MYO3A: variants seen among roughly 807,000 people sequenced by gnomAD.
MYO3A encodes myosin-IIIa.
MYO3A carries 180 observed loss-of-function variants against 192.7 expected under a neutral mutation model. That is an observed-to-expected ratio of 0.93 (90% confidence interval 0.83 to 1.06). The LOEUF is 1.06. Among genes scored for constraint, MYO3A ranks in the 50% least tolerant of loss-of-function variants. The probability of loss-of-function intolerance (pLI) is 0.00; values close to 1 mark genes in which losing one functional copy is unlikely to be tolerated. For synonymous variants in MYO3A, 628 were observed against 645.3 expected (o/e 0.97, Z 0.41); for missense variants, 1,896 against 1,905.0 (o/e 1.00, Z 0.09).
chr10:26,005,950 G>A (rs2130962289), intron 6 of MYO3A, among the ~76,000 whole-genome samples: 1 of 152,110 alleles, frequency 6.6e-6, no homozygotes, highest in Non-Finnish European at 1.5e-5. Flanking sequence ...ATGTAAAGTT[G>A]AACCATGAAT....
At chr10:26,188,785 A>T (rs1345290805) in intron 31 of MYO3A, among the ~76,000 whole-genome samples, 3 of 152,198 alleles carry the variant, frequency 2.0e-5, no homozygotes, top group African/African-American at 7.2e-5. Context: ...TTTGTCAAAG[A>T]TCAGATAGTT....
rs1386981397 is a variant in MYO3A at position 26,120,663 on chromosome 10, T to TG, written c.1777-11dup. The TG allele has an allele frequency of 2.5e-6, 4 of 1,613,878 alleles. No individual in the cohort carries two copies. In the South Asian group the frequency reaches 4.4e-5, roughly 18 times the overall value. On this transcript the variant is annotated splice_polypyrimidine_tract_variant and intron_variant, in intron 17 of 34. Transcript: ENST00000642920. The stretch of plus-strand genomic sequence containing the variant: ...GGAAAGAATGATGCCAATGTTTCTG[T>TG]GGTGTGTTTCAGCAACTTGGTAGTA...
intron 27 of MYO3A, among the ~76,000 whole-genome samples, chr10:26,166,887 C>T (rs1554838285): frequency 6.6e-6 from 1 of 152,122 alleles, no homozygotes; most frequent in Non-Finnish European, 1.5e-5. Context: ...GAGATCTTAG[C>T]TTATTTAATC....
At chr10:25,966,421 G>A (rs758788172) in intron 4 of MYO3A, among the ~76,000 whole-genome samples, 29 of 152,166 alleles carry the variant, frequency 1.9e-4, no homozygotes, top group South Asian at 4.1e-4. Flanking sequence ...ACAATTTAAA[G>A]CTAAATTTAA....
intron 10 of MYO3A, among the ~76,000 whole-genome samples, chr10:26,037,928 A>G (rs1843128304): frequency 2.0e-5 from 3 of 152,146 alleles, no homozygotes; most frequent in Admixed American, 1.3e-4. Flanking sequence ...CCTCCCCCCA[A>G]CATTAGGAAT....
intron 32 of MYO3A, among the ~76,000 whole-genome samples, chr10:26,199,931 A>G (rs904486675): frequency 5.3e-5 from 8 of 152,288 alleles, no homozygotes; most frequent in Admixed American, 4.6e-4. Context: ...GTTAAAACAG[A>G]AACAACCACC....
intron 7 of MYO3A, among the ~76,000 whole-genome samples, chr10:26,017,974 G>A (rs1484739524): frequency 1.4e-5 from 2 of 147,326 alleles, no homozygotes; most frequent in Non-Finnish European, 3.0e-5. Context: ...CATTTTGTTT[G>A]CATATATTAA....
At chr10:25,936,980 C>T (rs978087628) in intron 2 of MYO3A, among the ~76,000 whole-genome samples, 1 of 141,008 alleles carries the variant, frequency 7.1e-6, no homozygotes, top group Non-Finnish European at 1.6e-5. Flanking sequence ...TAGATCATGT[C>T]TTGATAAAAA....
intron 10 of MYO3A, among the ~76,000 whole-genome samples, 175 bp from the exon 11 acceptor site, chr10:26,066,800 A>G (rs1350971462): frequency 6.6e-6 from 1 of 152,240 alleles, no homozygotes. Flanking sequence ...CATTTTTCCA[A>G]TGGAAAGGAG....
chr10:25,984,576 C>A (rs1024396269), intron 4 of MYO3A, among the ~76,000 whole-genome samples: 2 of 152,166 alleles, frequency 1.3e-5, no homozygotes, highest in Non-Finnish European at 2.9e-5. Context: ...TGTCTCTGTA[C>A]AGGGAAGCTG....
At chr10:25,966,902 T>A (rs1170086196) in intron 4 of MYO3A, among the ~76,000 whole-genome samples, 1 of 152,170 alleles carries the variant, frequency 6.6e-6, no homozygotes, top group African/African-American at 2.4e-5. Context: ...AACACAACAC[T>A]TTTTAAATAT....
intron 10 of MYO3A, among the ~76,000 whole-genome samples, chr10:26,056,960 G>A (rs1834146875): frequency 6.7e-6 from 1 of 150,232 alleles, no homozygotes. Flanking sequence ...AGGACAGGAG[G>A]AAAAAAAAAA....
At chr10:26,051,540 C>CAT (rs895395370) in intron 10 of MYO3A, among the ~76,000 whole-genome samples, 8 of 141,756 alleles carry the variant, frequency 5.6e-5, no homozygotes, top group African/African-American at 1.3e-4. Flanking sequence ...ATCTTTAATA[C>CAT]ATATATATAT....
intron 31 of MYO3A, among the ~76,000 whole-genome samples, chr10:26,181,606 G>A (rs146112874): frequency 1.9e-3 from 281 of 151,846 alleles, no homozygotes; most frequent in African/African-American, 6.5e-3. Flanking sequence ...GACCACTCTA[G>A]GAGTAAAAAA....
chr10:26,028,114 T>G (rs181485101), intron 10 of MYO3A, among the ~76,000 whole-genome samples: 1 of 152,244 alleles, frequency 6.6e-6, no homozygotes, highest in Non-Finnish European at 1.5e-5. Flanking sequence ...ATGCCTACTA[T>G]GTGCCAGATT....
chr10:25,947,875 A>G lies in MYO3A; in HGVS notation c.-17-4219A>G, dbSNP rs547379988. ...AGTACATCAGTGAAAAAACAGGACA[A>G]ACATTTCAGGCCTCAAGGGGCTTAC... On this transcript the variant is annotated intron_variant, in intron 2 of 34. Transcript: ENST00000642920. Among the ~76,000 whole-genome samples, 3 of 152,326 alleles carry G rather than the reference A, an allele frequency of 2.0e-5. No individual in the cohort carries two copies. In the South Asian group the frequency reaches 6.2e-4, roughly 32 times the overall value.
At chr10:26,081,906 C>T (rs1157159796) in intron 14 of MYO3A, among the ~76,000 whole-genome samples, 1 of 72,738 alleles carries the variant, frequency 1.4e-5, no homozygotes, top group African/African-American at 4.2e-5. Flanking sequence ...TTGGGACACT[C>T]ACAGTATTTG....
intron 26 of MYO3A, among the ~76,000 whole-genome samples, chr10:26,162,849 G>T (rs116802162): frequency 2.2e-3 from 331 of 152,348 alleles, no homozygotes; most frequent in African/African-American, 7.6e-3. Context: ...GCGGACCTCA[G>T]TTGGTGCGTT....
chr10:26,072,059 A>G (rs1189783418), intron 14 of MYO3A, among the ~76,000 whole-genome samples: 2 of 149,452 alleles, frequency 1.3e-5, no homozygotes, highest in African/African-American at 2.5e-5. Flanking sequence ...ACATGGCAGC[A>G]GGAGAGAGAA....
Sources: allele counts gnomAD v4.1 joint callset (sites outside exome capture counted in the v4.1 genomes callset), GRCh38; gene constraint gnomAD v4.1.1; transcripts MANE v1.5; gene names NCBI Gene and HGNC (gene_info 2026-07-23, HGNC 2026-07-21).